DNAH17: variants seen among roughly 807,000 people sequenced by gnomAD.
DNAH17 encodes dynein axonemal heavy chain 17.
Under a neutral mutation model 485.6 loss-of-function variants are expected in DNAH17, and 376 were observed. The ratio of observed to expected loss-of-function variants is 0.77; its 90% CI spans 0.71 to 0.84. The LOEUF (loss-of-function observed/expected upper bound fraction) is 0.84. Among genes scored for constraint, DNAH17 ranks in the 40% least tolerant of loss-of-function variants. The pLI is 0.00. For synonymous variants in DNAH17, 3,031 were observed against 2,405.9 expected (o/e 1.26, Z -7.60); for missense variants, 6,370 against 5,839.3 (o/e 1.09, Z -2.96).
At chr17:78,440,432 G>T (rs952307997) in intron 72 of DNAH17, among the ~76,000 whole-genome samples, 1 of 151,658 alleles carries the variant, frequency 6.6e-6, no homozygotes, top group Non-Finnish European at 1.5e-5. Flanking sequence ...ACGTTTTCTT[G>T]TATGTTTTGT....
chr17:78,523,386 AG>A (rs2090983102), intron 25 of DNAH17, among the ~76,000 whole-genome samples: 1 of 152,188 alleles, frequency 6.6e-6, no homozygotes, highest in African/African-American at 2.4e-5. Flanking sequence ...GGCCTCCCAA[AG>A]TGCTGGGATT....
Position 78,501,349 on chromosome 17 carries a change from AG to A in DNAH17, c.5323-6del. Reference sequence around the variant, plus strand: ...GAAGGCCTGAGAACTCTCCACCTGCAGGATGAGCCGGAGCTCTTGTTGCCAG... The same window carrying A: ...GAAGGCCTGAGAACTCTCCACCTGCAGATGAGCCGGAGCTCTTGTTGCCAG... On this transcript the variant is annotated splice_region_variant and splice_polypyrimidine_tract_variant and intron_variant, in intron 34 of 80. Transcript: ENST00000389840. The A allele has an allele frequency of 6.3e-7, 1 of 1,584,888 alleles. No individual in the cohort carries two copies. The highest frequency in any genetic ancestry group is 8.6e-7 in the Non-Finnish European group (1 of 1,157,824).
At chr17:78,478,302 C>T (rs937712576) in intron 51 of DNAH17, among the ~76,000 whole-genome samples, 24 of 145,056 alleles carry the variant, frequency 1.7e-4, no homozygotes, top group African/African-American at 6.3e-4. Flanking sequence ...CCACCACCAT[C>T]ACCACAATCA....
At chr17:78,489,336 C>T (rs1461219049) in intron 44 of DNAH17, 1 of 152,320 alleles carries the variant, frequency 6.6e-6, no homozygotes, top group East Asian at 1.9e-4. Flanking sequence ...TCATTCTTGT[C>T]TCGACAAATA....
At position 78,459,861 on chromosome 17, in the gene DNAH17, G is replaced by A; in HGVS notation, c.9576C>T (p.Gly3192=). 1.2e-6 allele frequency: 2 copies of A among 1,614,050 alleles called. No individual in the cohort carries two copies. The highest frequency in any genetic ancestry group is 1.7e-6 in the Non-Finnish European group (2 of 1,179,898). The part of the protein sequence containing the change: ...KSWKAAKIMM[G]KVDTFLDSLK... ...GGGAGTCTAGGAAGGTGTCCACCTT[G>A]CCCATCATGATCTTGGCCGCCTTCC... Residue 3192 remains glycine, a synonymous_variant, in exon 60 of 81, where the codon GGC becomes GGT. Transcript: ENST00000389840.
intron 26 of DNAH17, 101 bp downstream of exon 26, chr17:78,514,673 T>G (rs1348196550): frequency 2.1e-6 from 3 of 1,454,276 alleles, no homozygotes; most frequent in Non-Finnish European, 2.7e-6. Flanking sequence ...TTTACCAGCA[T>G]CGGGCCCTGA....
chr17:78,456,380 G>C (rs969735390), intron 62 of DNAH17, among the ~76,000 whole-genome samples: 8 of 152,064 alleles, frequency 5.3e-5, no homozygotes, highest in African/African-American at 1.9e-4. Flanking sequence ...CTCTTCCCAA[G>C]TCACCCGCAT....
At chr17:78,427,145 A>G (rs776532870) in intron 77 of DNAH17, 37 bp from the exon 78 acceptor site, 28 of 1,552,184 alleles carry the variant, frequency 1.8e-5, no homozygotes, top group African/African-American at 2.7e-5. Context: ...TGTCACTGCA[A>G]AGAGCCCACC....
intron 56 of DNAH17, 34 bp downstream of exon 56, chr17:78,466,621 C>G: frequency 6.3e-7 from 1 of 1,580,992 alleles, no homozygotes; most frequent in Non-Finnish European, 8.6e-7. Flanking sequence ...CCTCTGGGCT[C>G]TACACTCAGG....
In DNAH17 at chr17:78,507,725, G is replaced by A; in HGVS notation, c.4317C>T (p.Leu1439=). 1.2e-6 allele frequency: 2 copies of A among 1,605,828 alleles called. No homozygotes were observed. Among genetic ancestry groups the A allele is most frequent in the Non-Finnish European group, 1.7e-6 (2 of 1,179,212 alleles). ...TCTCCACCAGCACCTCGCTGGACTT[G>A]AGCATCATGGTGCCTGTCCGCGGGT... ...EPHPRTGTMM[L]KSSEVLVETL... is the part of the protein sequence containing the mutation. Residue 1439 remains leucine (L), a synonymous_variant, in exon 28 of 81, where the codon CTC becomes CTT. Coordinates refer to ENST00000389840, the MANE Select transcript of DNAH17 (RefSeq NM_173628.4).
At chr17:78,543,678 G>T in intron 17 of DNAH17, 179 bp downstream of exon 17, 2 of 895,444 alleles carry the variant, frequency 2.2e-6, no homozygotes, top group Non-Finnish European at 3.6e-6. Context: ...GCCCGACTCA[G>T]CCTCCCAGAG....
At chr17:78,488,669 C>G (rs1337041067) in intron 44 of DNAH17, among the ~76,000 whole-genome samples, 1 of 152,100 alleles carries the variant, frequency 6.6e-6, no homozygotes, top group East Asian at 1.9e-4. Context: ...CCACCCAGAA[C>G]CCAGAATGTG....
In DNAH17 at chr17:78,501,778, G is replaced by T. The variant is rs769705961; in HGVS notation, c.5286C>A (p.His1762Gln). The part of the protein sequence containing the change: ...KIMTICTIDV[H>Q]ARDVVAKMIV... ...TCATTTTGGCCACCACGTCCCGTGC[G>T]TGCACATCGATGGTGCAGATGGTCA... is the stretch of plus-strand genomic sequence containing the variant. The change falls in exon 34 of 81, where the codon CAC becomes CAA. Residue 1762 changes from histidine (H) to glutamine (Q), a missense_variant. Transcript: ENST00000389840. The T allele has an allele frequency of 3.1e-6, 5 of 1,613,916 alleles. 1 individual carries two copies. In the South Asian group the frequency reaches 3.3e-5, roughly 11 times the overall value.
chr17:78,463,505 T>C lies in DNAH17; in HGVS notation c.8941-428A>G, dbSNP rs369565420. Among the ~76,000 whole-genome samples, 66 of 151,962 alleles carry C rather than the reference T, an allele frequency of 4.3e-4. 1 individual carries two copies. Among genetic ancestry groups the C allele is most frequent in the African/African-American group, 1.4e-3 (60 of 41,390 alleles). On this transcript the variant is annotated intron_variant, in intron 56 of 80. Transcript: ENST00000389840. ...ACATACCTGTATATATACACGTGCA[T>C]ATGCATTCACATACCTGCATATGTA...
At chr17:78,543,143 C>T (rs1487379929) in intron 17 of DNAH17, among the ~76,000 whole-genome samples, 1 of 152,052 alleles carries the variant, frequency 6.6e-6, no homozygotes, top group Non-Finnish European at 1.5e-5. Flanking sequence ...TTGAGATAGT[C>T]TCACTCTTTC....
chr17:78,571,752 C>T lies in DNAH17; in HGVS notation c.570G>A (p.Leu190=), dbSNP rs748230938. 1.2e-6 allele frequency: 2 copies of T among 1,604,686 alleles called. No individual in the cohort carries two copies. Among genetic ancestry groups the T allele is most frequent in the East Asian group, 2.2e-5 (1 of 44,836 alleles). The part of the protein sequence containing the change: ...RIPSSLDNLL[L]HAIETTIIDW... ...CGATGATGGTGGTTTCAATGGCGTG[C>T]AGGAGCAAGTTGTCCAGTGAAGAGG... Residue 190 remains leucine, a synonymous_variant, in exon 4 of 81, where the codon CTG becomes CTA. Transcript: ENST00000389840.
intron 31 of DNAH17, among the ~76,000 whole-genome samples, chr17:78,503,250 G>C (rs2090365645): frequency 7.4e-6 from 1 of 134,714 alleles, no homozygotes; most frequent in Non-Finnish European, 1.5e-5. Context: ...CATGATCTCG[G>C]CTCATTGCAA....
At chr17:78,540,264 T>C (rs9908060) in intron 17 of DNAH17, among the ~76,000 whole-genome samples, 108,637 of 142,152 alleles carry the variant, frequency 0.76, 41,556 homozygotes, top group African/African-American at 0.78. Flanking sequence ...TTCATGAAGG[T>C]GAAGGTTGAC....
intron 14 of DNAH17, among the ~76,000 whole-genome samples, chr17:78,553,993 C>T (rs2091965665): frequency 6.6e-6 from 1 of 151,980 alleles, no homozygotes; most frequent in Non-Finnish European, 1.5e-5. Flanking sequence ...TGGGATCTTG[C>T]TATGTTGCCC....
Sources: allele counts gnomAD v4.1 joint callset (sites outside exome capture counted in the v4.1 genomes callset), GRCh38; gene constraint gnomAD v4.1.1; transcripts MANE v1.5; gene names NCBI Gene and HGNC (gene_info 2026-07-23, HGNC 2026-07-21).